The following SLC38A10 variants were observed in gnomAD, a reference collection of about 807,000 sequenced individuals.
SLC38A10 encodes Sodium-coupled neutral amino acid transporter 10.
Under a neutral mutation model 81.0 loss-of-function variants are expected in SLC38A10, and 53 were observed. That is an observed-to-expected ratio of 0.65 (90% CI 0.53 to 0.82). The LOEUF is 0.82. Among genes scored for constraint, SLC38A10 ranks in the 40% least tolerant of loss-of-function variants. SLC38A10 has a pLI of 0.00. For missense variants in SLC38A10, 1,471 were observed against 1,545.0 expected (o/e 0.95, Z 0.80); for synonymous variants, 665 against 655.3 (o/e 1.01, Z -0.23).
intron 8 of SLC38A10, among the ~76,000 whole-genome samples, chr17:81,273,270 G>A (rs2063133160): frequency 6.6e-6 from 1 of 152,334 alleles, no homozygotes; most frequent in Middle Eastern, 3.4e-3. Context: ...AGCCAAGGAC[G>A]GATGGCCTCA....
At chr17:81,278,637 T>A (rs1052281023) in intron 6 of SLC38A10, among the ~76,000 whole-genome samples, 1 of 152,170 alleles carries the variant, frequency 6.6e-6, no homozygotes, top group African/African-American at 2.4e-5. Context: ...CCAAGAGGTC[T>A]CCACGGCCCT....
Position 81,289,604 on chromosome 17 carries a change from A to C in SLC38A10, c.217+87T>G. On this transcript the variant is annotated intron_variant, in intron 2 of 15. Transcript: ENST00000374759. This position sits in a 1 kb window ranked among gnomAD's most constrained non-coding sequence, Gnocchi z 5.9. The stretch of plus-strand genomic sequence containing the variant: ...CCTGCTATCCAAGGAATTCTTGAAG[A>C]ATCAAGTAGAGTAAATAAATAAATA... 1 of 884,586 alleles carries C rather than the reference A, an allele frequency of 1.1e-6. No individual in the cohort carries two copies. 54.8% of individuals were successfully genotyped at this position (884,586 alleles called of 1,614,324 possible).
intron 12 of SLC38A10, 98 bp from the exon 13 acceptor site, chr17:81,252,781 CA>C: frequency 6.8e-7 from 1 of 1,477,252 alleles, no homozygotes; most frequent in South Asian, 1.4e-5. Flanking sequence ...TGGCTCCCAA[CA>C]GTGTGACACA....
chr17:81,266,687 A>C (rs1257915193), intron 10 of SLC38A10, among the ~76,000 whole-genome samples: 1 of 152,198 alleles, frequency 6.6e-6, no homozygotes, highest in Non-Finnish European at 1.5e-5. Context: ...GATAGCATGC[A>C]GTGCAGCCAA....
At chr17:81,284,203 C>T (rs967624542) in intron 3 of SLC38A10, among the ~76,000 whole-genome samples, 16 of 151,944 alleles carry the variant, frequency 1.1e-4, no homozygotes, top group African/African-American at 3.9e-4. Flanking sequence ...ACTAAAAATA[C>T]AAAAATTAGC....
intron 1 of SLC38A10, among the ~76,000 whole-genome samples, chr17:81,293,524 T>G (rs572765120): frequency 6.6e-6 from 1 of 151,802 alleles, no homozygotes; most frequent in South Asian, 2.1e-4. Flanking sequence ...CAGGCTGGAG[T>G]GCAGTGGTGC....
intron 11 of SLC38A10, among the ~76,000 whole-genome samples, chr17:81,256,768 G>C (rs975962437): frequency 4.6e-5 from 7 of 152,238 alleles, no homozygotes; most frequent in African/African-American, 1.7e-4. Context: ...CTCATGAAGG[G>C]CTTGGCTTTA....
intron 11 of SLC38A10, among the ~76,000 whole-genome samples, chr17:81,258,535 G>C (rs1273027711): frequency 6.6e-6 from 1 of 152,112 alleles, no homozygotes; most frequent in Non-Finnish European, 1.5e-5. Flanking sequence ...GGGACGGGGA[G>C]CCTCCTGCTG....
Position 81,276,563 on chromosome 17 carries a change from T to C in SLC38A10, c.730-412A>G, listed in dbSNP as rs1484512085. Among the ~76,000 whole-genome samples the C allele has an allele frequency of 6.6e-6, 1 of 152,108 alleles. No individual in the cohort carries two copies. Among genetic ancestry groups the C allele is most frequent in the Non-Finnish European group, 1.5e-5 (1 of 68,004 alleles). ...CGTGCCACCATGCCCAGCTAATTTT[T>C]GTATTTTTAGTAGAGACAGGGTTTC... is the stretch of plus-strand genomic sequence containing the variant. On this transcript the variant is annotated intron_variant, in intron 7 of 15. Transcript: ENST00000374759. The surrounding 1 kb of genome is among the most constrained non-coding windows in gnomAD (Gnocchi z 4.7).
chr17:81,264,828 C>T (rs570221268), intron 10 of SLC38A10: 7 of 152,278 alleles, frequency 4.6e-5, no homozygotes, highest in African/African-American at 1.7e-4. Context: ...GCTGGTGGCT[C>T]GTGTCTGAGA....
At chr17:81,280,767 G>C (rs1598401894) in intron 5 of SLC38A10, 34 bp from the exon 6 acceptor site, 2 of 1,588,846 alleles carry the variant, frequency 1.3e-6, no homozygotes, top group Middle Eastern at 1.8e-4. Flanking sequence ...CACGGGGCAG[G>C]TCAGGACGCA....
chr17:81,284,857 C>G lies in SLC38A10; in HGVS notation c.256G>C (p.Glu86Gln). The change falls in exon 3 of 16, where the codon GAG (glutamate) becomes CAG (glutamine). Residue 86 changes from glutamate to glutamine, a missense_variant. Physicochemically the swap from Glu to Gln is conservative, Grantham distance 29 (BLOSUM62 2). Transcript: ENST00000374759. ...AYGKAGKMLV[E>Q]TSMIGLMLGT... ...CGGCAGGGCGGGGCTTACCTGGTCT[C>G]CACCAGCATCTTGCCTGCCTTCCCG... 1 of 1,544,024 alleles carries G rather than the reference C, an allele frequency of 6.5e-7. No individual in the cohort carries two copies. The highest frequency in any genetic ancestry group is 8.7e-7 in the Non-Finnish European group (1 of 1,143,498).
chr17:81,251,209 G>C (rs1180082270), intron 14 of SLC38A10: 4 of 1,545,800 alleles, frequency 2.6e-6, no homozygotes. Context: ...CAATGCCGCA[G>C]GTGTTTTAAA....
intron 11 of SLC38A10, among the ~76,000 whole-genome samples, chr17:81,255,842 G>A (rs954029786): frequency 3.3e-5 from 5 of 152,226 alleles, no homozygotes; most frequent in Non-Finnish European, 5.9e-5. Context: ...AAAATTAGCC[G>A]GGTGTGGTGC....
At position 81,283,285 on chromosome 17, in the gene SLC38A10, C is replaced by G. The variant is rs758856497; in HGVS notation, c.357+124G>C. 4.4e-5 allele frequency: 36 copies of G among 827,586 alleles called. No homozygotes were observed. In the Middle Eastern group the frequency reaches 6.9e-4, roughly 16 times the overall value. The allele number at this position is 827,586 out of a possible 1,614,324, so 51.3% of individuals were successfully genotyped here. On this transcript the variant is annotated intron_variant, in intron 4 of 15. Transcript: ENST00000374759. This position sits in a 1 kb window ranked among gnomAD's most constrained non-coding sequence, Gnocchi z 4.7. ...GCACTCCACCAAGCCCCTAGAATGACAGCAGGCTCGACAGAAGCTTCTCCC... is the reference window on the plus strand; with the variant it reads ...GCACTCCACCAAGCCCCTAGAATGAGAGCAGGCTCGACAGAAGCTTCTCCC...
intron 4 of SLC38A10, 134 bp from the exon 5 acceptor site, chr17:81,282,466 G>A: frequency 7.8e-7 from 1 of 1,274,070 alleles, no homozygotes; most frequent in Non-Finnish European, 1.1e-6. Context: ...CGGCGGGTCT[G>A]AGGCTGGCAC....
At chr17:81,267,754 C>T (rs1010611089) in intron 10 of SLC38A10, among the ~76,000 whole-genome samples, 2 of 151,948 alleles carry the variant, frequency 1.3e-5, no homozygotes, top group African/African-American at 2.4e-5. Flanking sequence ...AACACCCAAC[C>T]AAAGACACTG....
rs372005333 is a variant in SLC38A10, at chr17:81,251,536, G to A, written c.2022C>T (p.Asp674=). 7.7e-6 allele frequency: 12 copies of A among 1,562,862 alleles called. No individual in the cohort carries two copies. Among genetic ancestry groups the A allele is most frequent in the Admixed American group, 3.9e-5 (2 of 51,204 alleles). Residue 674 remains aspartate (D), a synonymous_variant, in exon 14 of 16, where the codon GAC becomes GAT. Transcript: ENST00000374759. ...CCTGGTTTCCACCCGCTCGCTCCAC[G>A]TCCCTCTGCTCGCGAGGCTCGGGCG... ...GLPPEPREQR[D]VERAGGNQAA... is the part of the protein sequence containing the mutation.
At position 81,253,151 on chromosome 17, in the gene SLC38A10, T is replaced by C. The variant is rs778218641; in HGVS notation, c.1378A>G (p.Lys460Glu). The stretch of plus-strand genomic sequence containing the variant: ...CGTCCAGGCACATCCACGGGCCCCT[T>C]GATCTGGGCCTGCTCCAGCTCCTCT... Reference protein sequence around the residue: ...EREELEQAQIKGPVDVPGRED... With the variant: ...EREELEQAQIEGPVDVPGRED... Residue 460 changes from lysine (K) to glutamate (E), a missense_variant, in exon 12 of 16, where the codon AAG becomes GAG. Around this residue, in one of 2 missense-constraint regions of SLC38A10, gnomAD observed 720 missense variants for 827.7 expected, o/e 0.87. Coordinates refer to ENST00000374759, the MANE Select transcript of SLC38A10 (RefSeq NM_001037984.3). The surrounding 1 kb of genome is among the most constrained non-coding windows in gnomAD (Gnocchi z 4.1). 9 of 1,613,794 alleles carry C rather than the reference T, an allele frequency of 5.6e-6. No individual in the cohort carries two copies. The East Asian group carries it at 1.8e-4, about 32-fold the overall frequency.
Sources: allele counts gnomAD v4.1 joint callset (sites outside exome capture counted in the v4.1 genomes callset), GRCh38; gene constraint gnomAD v4.1.1; regional missense constraint gnomAD v4.1.1; non-coding constraint Gnocchi (gnomAD v3.1); transcripts MANE v1.5; gene names NCBI Gene and HGNC (gene_info 2026-07-23, HGNC 2026-07-21).